KIF26B: variants seen among roughly 807,000 people sequenced by gnomAD.
KIF26B encodes kinesin-like protein KIF26B.
Under a neutral mutation model 151.2 loss-of-function variants are expected in KIF26B, and 63 were observed. That is an observed-to-expected ratio of 0.42 (90% CI 0.34 to 0.51). KIF26B has a LOEUF of 0.51. Ranked by LOEUF, KIF26B falls within the 20% of genes least tolerant of loss-of-function variation. The probability of loss-of-function intolerance (pLI) is 0.07; values close to 1 mark genes in which losing one functional copy is unlikely to be tolerated. For missense variants in KIF26B, 2,813 were observed against 2,913.6 expected (o/e 0.97, Z 0.79); for synonymous variants, 1,357 against 1,262.1 (o/e 1.08, Z -1.59).
At chr1:245,200,904 A>G (rs2103537964) in intron 2 of KIF26B, among the ~76,000 whole-genome samples, 1 of 152,372 alleles carries the variant, frequency 6.6e-6, no homozygotes, top group East Asian at 1.9e-4. Context: ...AAAGGGCGTG[A>G]AAGTCATTGT....
intron 2 of KIF26B, among the ~76,000 whole-genome samples, chr1:245,257,731 A>C (rs1197289577): frequency 6.6e-6 from 1 of 152,138 alleles, no homozygotes; most frequent in Non-Finnish European, 1.5e-5. Context: ...TGATCAAGAA[A>C]GTTGGTCAGG....
rs138665794 is a variant in KIF26B at position 245,437,584 on chromosome 1, A to G, written c.1166+17839A>G. ...AACGTTGATTTATGGAGCCTAGATC[A>G]TGCTTGGCTGGGGAATGGGAGGAGG... On this transcript the variant is annotated intron_variant, in intron 4 of 14. Transcript: ENST00000407071. Among the ~76,000 whole-genome samples, 622 of 152,294 alleles carry G rather than the reference A, an allele frequency of 4.1e-3. 2 individuals carry two copies. The highest frequency in any genetic ancestry group is 6.2e-3 in the Non-Finnish European group (423 of 68,032).
intron 4 of KIF26B, among the ~76,000 whole-genome samples, chr1:245,515,151 G>T (rs61829901): frequency 0.25 from 37,349 of 151,862 alleles, 5,584 homozygotes; most frequent in East Asian, 0.49. Context: ...TACAGCCCTA[G>T]ATGGGTTACT....
In KIF26B at chr1:245,611,824, C is replaced by A. The variant is rs1441700832; in HGVS notation, c.1946C>A (p.Thr649Asn). ...AACCAGAGCGAGCTGCGGGCCCCCA[C>A]CGCAGAGAAGGCTGCCTTTTTCCTG... ...LQNQSELRAP[T>N]AEKAAFFLDA... Residue 649 changes from threonine to asparagine, a missense_variant, in exon 9 of 15, where the codon ACC (threonine) becomes AAC (asparagine). Coordinates refer to ENST00000407071, the MANE Select transcript of KIF26B (RefSeq NM_018012.4). 2 of 1,613,774 alleles carry A rather than the reference C, an allele frequency of 1.2e-6. No individual in the cohort carries two copies. The highest frequency in any genetic ancestry group is 2.2e-5 in the South Asian group (2 of 91,080).
At chr1:245,287,127 T>A (rs1110420) in intron 2 of KIF26B, among the ~76,000 whole-genome samples, 74,039 of 151,762 alleles carry the variant, frequency 0.49, 18,368 homozygotes, top group East Asian at 0.65. Context: ...CAAAATTTTT[T>A]AAAAAATTTT....
At chr1:245,455,157 G>T in intron 4 of KIF26B, among the ~76,000 whole-genome samples, 1 of 152,186 alleles carries the variant, frequency 6.6e-6, no homozygotes, top group East Asian at 1.9e-4. Context: ...CCCCTTGCTC[G>T]ATTTTAATTG....
intron 2 of KIF26B, among the ~76,000 whole-genome samples, chr1:245,324,888 A>C (rs774496447): frequency 6.6e-6 from 1 of 152,058 alleles, no homozygotes; most frequent in Non-Finnish European, 1.5e-5. Flanking sequence ...TGAGGTCAGG[A>C]GTTCGAGACC....
chr1:245,240,515 G>C (rs1027066558), intron 2 of KIF26B, among the ~76,000 whole-genome samples: 1 of 152,180 alleles, frequency 6.6e-6, no homozygotes, highest in African/African-American at 2.4e-5. Context: ...AGACATACGA[G>C]TGTGTATAGA....
intron 2 of KIF26B, among the ~76,000 whole-genome samples, chr1:245,229,534 C>T (rs190717757): frequency 5.1e-4 from 78 of 152,298 alleles, no homozygotes; most frequent in Non-Finnish European, 7.3e-4. Context: ...TCCAGGCTGT[C>T]CGTCAGCAGC....
intron 4 of KIF26B, among the ~76,000 whole-genome samples, chr1:245,509,933 G>A (rs898595951): frequency 2.0e-5 from 3 of 152,144 alleles, no homozygotes; most frequent in Non-Finnish European, 4.4e-5. Context: ...ACAGAGCCCC[G>A]TCTGTGGGTC....
chr1:245,385,412 T>C (rs1673518815), intron 3 of KIF26B, among the ~76,000 whole-genome samples: 1 of 152,234 alleles, frequency 6.6e-6, no homozygotes, highest in Non-Finnish European at 1.5e-5. Context: ...ATAATCTCTG[T>C]ATGGACATCA....
intron 4 of KIF26B, among the ~76,000 whole-genome samples, chr1:245,486,844 C>G (rs1660291775): frequency 6.6e-6 from 1 of 152,148 alleles, no homozygotes; most frequent in African/African-American, 2.4e-5. Flanking sequence ...CTAACGTTTC[C>G]ACTTTTTGCA....
chr1:245,697,981 C>A, intron 12 of KIF26B, 125 bp from the exon 13 acceptor site: 1 of 804,956 alleles, frequency 1.2e-6, no homozygotes, highest in Non-Finnish European at 1.9e-6. Flanking sequence ...TTCAAGGCTG[C>A]AGTGAGCTAT....
At chr1:245,370,231 G>T (rs886676125) in intron 3 of KIF26B, among the ~76,000 whole-genome samples, 1 of 151,748 alleles carries the variant, frequency 6.6e-6, no homozygotes, top group African/African-American at 2.4e-5. Context: ...TAATACATTG[G>T]GTACATTTCC....
intron 2 of KIF26B, among the ~76,000 whole-genome samples, chr1:245,243,618 C>A (rs570095599): frequency 1.3e-5 from 2 of 152,044 alleles, no homozygotes; most frequent in African/African-American, 4.8e-5. Flanking sequence ...CAAATTTACC[C>A]CCATTCTTCT....
intron 2 of KIF26B, among the ~76,000 whole-genome samples, chr1:245,335,971 G>A (rs1672220061): frequency 7.3e-6 from 1 of 137,468 alleles, no homozygotes; most frequent in South Asian, 2.4e-4. Context: ...AGAGTCCCAC[G>A]CAGGGAAAGG....
At chr1:245,501,112 G>A (rs113838689) in intron 4 of KIF26B, among the ~76,000 whole-genome samples, 24 of 152,154 alleles carry the variant, frequency 1.6e-4, no homozygotes, top group South Asian at 2.1e-4. Context: ...CCATTTCGTG[G>A]ACAGAACAGT....
rs957109769 is a variant in KIF26B at position 245,218,431 on chromosome 1, C to A, written c.465+61748C>A. Among the ~76,000 whole-genome samples the A allele has an allele frequency of 2.0e-5, 3 of 152,160 alleles. No homozygotes were observed. The highest frequency in any genetic ancestry group is 4.4e-5 in the Non-Finnish European group (3 of 68,032). On this transcript the variant is annotated intron_variant, in intron 2 of 14. Coordinates refer to ENST00000407071, the MANE Select transcript of KIF26B (RefSeq NM_018012.4). This position sits in a 1 kb window ranked among gnomAD's most constrained non-coding sequence, Gnocchi z 4.1. ...GTCTTTCTTCTCCCTGTTTACCTGTCCACCCATCTGAGAGATAAAAGAAGA... is the reference window on the plus strand; with the variant it reads ...GTCTTTCTTCTCCCTGTTTACCTGTACACCCATCTGAGAGATAAAAGAAGA...
At chr1:245,593,696 A>G (rs2103138742) in intron 5 of KIF26B, among the ~76,000 whole-genome samples, 1 of 152,270 alleles carries the variant, frequency 6.6e-6, no homozygotes, top group East Asian at 1.9e-4. Flanking sequence ...CAGTAATGGG[A>G]TTGCTGGGTC....
Sources: gnomAD v4.1 joint callset for allele counts (sites outside exome capture counted in the v4.1 genomes callset) on GRCh38, gnomAD v4.1.1 for gene constraint, Gnocchi (gnomAD v3.1) non-coding constraint, MANE v1.5 for transcripts, NCBI Gene and HGNC (gene_info 2026-07-23, HGNC 2026-07-21) for gene names.